Variants in SIPA1L2 observed in about 807,000 individuals in gnomAD.
The protein encoded by SIPA1L2 is signal-induced proliferation-associated 1-like protein 2.
SIPA1L2 carries 56 observed loss-of-function variants against 163.9 expected under a neutral mutation model. The observed-to-expected ratio is 0.34, with a 90% confidence interval of 0.28 to 0.43. The LOEUF (loss-of-function observed/expected upper bound fraction) is 0.43, where lower values mean the gene tolerates loss of function less well. Among genes scored for constraint, SIPA1L2 ranks in the 20% least tolerant of loss-of-function variants. The pLI, the probability that SIPA1L2 is intolerant of heterozygous loss-of-function variation, is 1.00. For missense variants in SIPA1L2, 1,974 were observed against 2,193.5 expected, an observed-to-expected ratio of 0.90 and a Z score of 2.00; for synonymous variants, 877 against 865.7, an observed-to-expected ratio of 1.01 and a Z score of -0.23.
chr1:232,537,558 T>A (rs892153316), intron 2 of SIPA1L2, among the ~76,000 whole-genome samples: 49 of 152,128 alleles, frequency 3.2e-4, no homozygotes, highest in Admixed American at 1.1e-3. Flanking sequence ...AATTTAAAAA[T>A]CCCTGAAGCT....
chr1:232,598,802 G>A (rs527848258), intron 1 of SIPA1L2, among the ~76,000 whole-genome samples: 35 of 152,246 alleles, frequency 2.3e-4, no homozygotes, highest in African/African-American at 7.9e-4. Flanking sequence ...CACCTTGGAA[G>A]TGAGGATTTT....
At chr1:232,535,206 G>T (rs565572729) in intron 2 of SIPA1L2, among the ~76,000 whole-genome samples, 2 of 152,290 alleles carry the variant, frequency 1.3e-5, no homozygotes, top group African/African-American at 4.8e-5. Context: ...CAGTCTGCCA[G>T]AGAAAGTACG....
In SIPA1L2 at chr1:232,432,242, C is replaced by T; in HGVS notation, c.4256+5G>A. Reference sequence around the variant, plus strand: ...TGACCAGAGAAGAACAGCCAGCCACCTTACCCGGGACATTCAGTCACTTCA... The same window carrying T: ...TGACCAGAGAAGAACAGCCAGCCACTTTACCCGGGACATTCAGTCACTTCA... On this transcript the variant is annotated splice_donor_5th_base_variant and intron_variant, in intron 16 of 22. Transcript: ENST00000674635. 1 of 1,612,794 alleles carries T rather than the reference C, an allele frequency of 6.2e-7. No homozygotes were observed. Among genetic ancestry groups the T allele is most frequent in the Non-Finnish European group, 8.5e-7 (1 of 1,179,636 alleles).
At chr1:232,417,604 G>A (rs903482644) in intron 18 of SIPA1L2, among the ~76,000 whole-genome samples, 11 of 152,044 alleles carry the variant, frequency 7.2e-5, no homozygotes, top group African/African-American at 2.2e-4. Context: ...AGACTGGGCT[G>A]AACTGGCTGT....
At chr1:232,467,892 A>G (rs1664605199) in intron 8 of SIPA1L2, among the ~76,000 whole-genome samples, 1 of 152,226 alleles carries the variant, frequency 6.6e-6, no homozygotes, top group African/African-American at 2.4e-5. Flanking sequence ...TAAGAGAGAC[A>G]TGGTGACTCC....
chr1:232,495,291 C>T (rs1232405445), intron 3 of SIPA1L2, among the ~76,000 whole-genome samples: 3 of 152,044 alleles, frequency 2.0e-5, no homozygotes, highest in South Asian at 4.1e-4. Flanking sequence ...GGGCCGGGCA[C>T]GGTGGCTCAC....
intron 1 of SIPA1L2, among the ~76,000 whole-genome samples, chr1:232,582,650 A>G (rs1036977323): frequency 6.6e-6 from 1 of 152,014 alleles, no homozygotes; most frequent in African/African-American, 2.4e-5. Flanking sequence ...TATATGATCT[A>G]TTTTCCTTTG....
At chr1:232,609,816 C>G (rs955826788) in intron 1 of SIPA1L2, among the ~76,000 whole-genome samples, 2 of 127,712 alleles carry the variant, frequency 1.6e-5, no homozygotes, top group Non-Finnish European at 3.1e-5. Flanking sequence ...GGCGACAGTG[C>G]GAGACTCCAT....
At chr1:232,588,853 G>T (rs1338418174) in intron 1 of SIPA1L2, among the ~76,000 whole-genome samples, 7 of 150,334 alleles carry the variant, frequency 4.7e-5, no homozygotes, top group East Asian at 3.8e-4. Context: ...TTGGAAAATA[G>T]TTATTTTTCA....
intron 2 of SIPA1L2, among the ~76,000 whole-genome samples, chr1:232,516,256 T>A (rs1259520023): frequency 1.3e-5 from 2 of 152,200 alleles, no homozygotes; most frequent in Non-Finnish European, 2.9e-5. Flanking sequence ...TGGGAAGAGA[T>A]CTTCAAGGAT....
At position 232,515,359 on chromosome 1, in the gene SIPA1L2, C is replaced by T; in HGVS notation, c.-20G>A. On this transcript the variant is annotated 5_prime_UTR_variant, in exon 3 of 23. Transcript: ENST00000674635. ...ACTCATGTCTACCGAGGAAGAGCCTCCAAGTCTCACCAGGAAGACTGATGT... is the reference window on the plus strand; with the variant it reads ...ACTCATGTCTACCGAGGAAGAGCCTTCAAGTCTCACCAGGAAGACTGATGT... 1 of 1,548,098 alleles carries T rather than the reference C, an allele frequency of 6.5e-7. No homozygotes were observed. The highest frequency in any genetic ancestry group is 8.7e-7 in the Non-Finnish European group (1 of 1,149,412).
At chr1:232,459,823 T>C (rs1475702708) in intron 10 of SIPA1L2, among the ~76,000 whole-genome samples, 1 of 152,204 alleles carries the variant, frequency 6.6e-6, no homozygotes, top group Non-Finnish European at 1.5e-5. Flanking sequence ...CCTAAAGTTT[T>C]ATTTTTCTAA....
intron 17 of SIPA1L2, among the ~76,000 whole-genome samples, chr1:232,427,866 G>C (rs1180723925): frequency 6.6e-6 from 1 of 152,150 alleles, no homozygotes; most frequent in Non-Finnish European, 1.5e-5. Flanking sequence ...GCAGTGTGCT[G>C]TCTAACTCCA....
At chr1:232,407,963 A>G (rs1388792217) in intron 19 of SIPA1L2, among the ~76,000 whole-genome samples, 4 of 152,126 alleles carry the variant, frequency 2.6e-5, no homozygotes, top group Non-Finnish European at 5.9e-5. Flanking sequence ...GTTTGTTCCC[A>G]TTACCATGTT....
intron 6 of SIPA1L2, among the ~76,000 whole-genome samples, chr1:232,483,496 G>A (rs1473670873): frequency 6.6e-6 from 1 of 152,116 alleles, no homozygotes; most frequent in Non-Finnish European, 1.5e-5. Flanking sequence ...GAAGAGGTTA[G>A]GGTAAAAGAA....
intron 3 of SIPA1L2, among the ~76,000 whole-genome samples, chr1:232,495,226 C>T (rs1410795405): frequency 6.6e-6 from 1 of 152,126 alleles, no homozygotes; most frequent in Non-Finnish European, 1.5e-5. Context: ...CATTATTTCC[C>T]TTTAGAGTCA....
chr1:232,602,251 G>T (rs1661636991), intron 1 of SIPA1L2, among the ~76,000 whole-genome samples: 1 of 152,192 alleles, frequency 6.6e-6, no homozygotes, highest in Admixed American at 6.5e-5. Flanking sequence ...GAGTGGTGTG[G>T]GAGGAGAGGG....
intron 2 of SIPA1L2, among the ~76,000 whole-genome samples, chr1:232,536,790 C>T (rs1657333460): frequency 1.3e-5 from 2 of 151,990 alleles, no homozygotes; most frequent in Admixed American, 1.3e-4. Context: ...AAAAATAAGA[C>T]GACTGACAGG....
At chr1:232,442,360 C>T (rs1662954652) in intron 12 of SIPA1L2, among the ~76,000 whole-genome samples, 3 of 151,464 alleles carry the variant, frequency 2.0e-5, no homozygotes, top group Admixed American at 2.0e-4. Flanking sequence ...CCAGCCTGGC[C>T]AACATGGTGA....
Sources: gnomAD v4.1 joint callset for allele counts (sites outside exome capture counted in the v4.1 genomes callset) on GRCh38, gnomAD v4.1.1 for gene constraint, MANE v1.5 for transcripts, NCBI Gene and HGNC (gene_info 2026-07-23, HGNC 2026-07-21) for gene names.